GPBP1: variants seen among roughly 807,000 people sequenced by gnomAD.
GPBP1 encodes vasculin.
A neutral mutation model predicts 56.5 loss-of-function variants in GPBP1; 13 were observed. That is an observed-to-expected ratio of 0.23 (90% confidence interval 0.15 to 0.37). The LOEUF (loss-of-function observed/expected upper bound fraction) is 0.37, where lower values mean the gene tolerates loss of function less well. GPBP1 is among the 10% of genes least tolerant of loss of function. GPBP1 has a pLI of 1.00. For synonymous variants in GPBP1, 204 were observed against 188.9 expected, an observed-to-expected ratio of 1.08 and a Z score of -0.66; for missense variants, 477 against 572.3, an observed-to-expected ratio of 0.83 and a Z score of 1.70.
chr5:57,247,036 GT>G lies in GPBP1; in HGVS notation c.664-34del, dbSNP rs748749317. Reference sequence around the variant, plus strand: ...TGTTTTTGTCTTTCTCCTGTAACCTGTTTTTGATAGCCATTAATGTTTGTGT... The same window carrying G: ...TGTTTTTGTCTTTCTCCTGTAACCTGTTTTGATAGCCATTAATGTTTGTGT... On this transcript the variant is annotated intron_variant, in intron 7 of 11. Coordinates refer to ENST00000506184, the MANE Select transcript of GPBP1 (RefSeq NM_022913.4). 6.3e-6 allele frequency: 10 copies of G among 1,578,512 alleles called. No homozygotes were observed. The South Asian group carries it at 8.1e-5, about 13-fold the overall frequency.
intron 2 of GPBP1, among the ~76,000 whole-genome samples, chr5:57,188,388 TTCCAGGC>T (rs1754381366): frequency 6.6e-6 from 1 of 152,204 alleles, no homozygotes; most frequent in Admixed American, 6.5e-5. Flanking sequence ...TCTCTCCATA[TTCCAGGC>T]TTATAGCTTA....
rs990917676 is a variant in GPBP1 at position 57,192,673 on chromosome 5, A to C, written c.-58+16273A>C. ...GAGGCTGAGGCAGGAGAATCGCTTG[A>C]ACCTGGGAGGCGGAGGTTGCGGTGA... On this transcript the variant is annotated intron_variant, in intron 2 of 11. Coordinates refer to ENST00000506184, the MANE Select transcript of GPBP1 (RefSeq NM_022913.4). Among the ~76,000 whole-genome samples, 6 of 149,930 alleles carry C rather than the reference A, an allele frequency of 4.0e-5. No homozygotes were observed. The East Asian group carries it at 1.2e-3, about 29-fold the overall frequency.
intron 3 of GPBP1, among the ~76,000 whole-genome samples, chr5:57,218,708 G>A (rs1347070761): frequency 1.3e-5 from 2 of 151,978 alleles, no homozygotes; most frequent in African/African-American, 2.4e-5. Context: ...CAAGTGATCC[G>A]CCTGCCTCTA....
At chr5:57,206,056 G>T (rs1161810206) in intron 2 of GPBP1, among the ~76,000 whole-genome samples, 3 of 152,122 alleles carry the variant, frequency 2.0e-5, no homozygotes, top group African/African-American at 7.2e-5. Flanking sequence ...ACAAGCCATT[G>T]CATTTGGCCC....
At chr5:57,244,866 T>TG (rs1269114413) in intron 6 of GPBP1, among the ~76,000 whole-genome samples, 3 of 151,634 alleles carry the variant, frequency 2.0e-5, no homozygotes, top group African/African-American at 7.3e-5. Flanking sequence ...CCCGAGTAGC[T>TG]GGGATTATAG....
chr5:57,194,637 A>G (rs577237520), intron 2 of GPBP1, among the ~76,000 whole-genome samples: 10 of 152,122 alleles, frequency 6.6e-5, no homozygotes, highest in South Asian at 2.1e-4. Flanking sequence ...TTTTGTACCA[A>G]CTAACCTCCC....
chr5:57,177,564 C>T (rs1158143949), intron 2 of GPBP1, among the ~76,000 whole-genome samples: 3 of 151,548 alleles, frequency 2.0e-5, no homozygotes, highest in Non-Finnish European at 4.4e-5. Flanking sequence ...GCCTCCGCCT[C>T]CCGGGTTCAA....
At position 57,249,581 on chromosome 5, in the gene GPBP1, T is replaced by C. The variant is rs768355252; in HGVS notation, c.972+5T>C. 3.8e-6 allele frequency: 6 copies of C among 1,597,752 alleles called. No homozygotes were observed. The Admixed American group carries it at 8.9e-5, about 24-fold the overall frequency. ...AGCCGTGCTGGCTCAGAGAAGGTAA[T>C]TGAATTTATAGCAATACTTGATTTG... On this transcript the variant is annotated splice_donor_5th_base_variant and intron_variant, in intron 9 of 11. Coordinates refer to ENST00000506184, the MANE Select transcript of GPBP1 (RefSeq NM_022913.4).
intron 5 of GPBP1, among the ~76,000 whole-genome samples, chr5:57,235,714 T>C (rs1195338376): frequency 6.6e-6 from 1 of 152,220 alleles, no homozygotes; most frequent in Non-Finnish European, 1.5e-5. Context: ...TGGATTTTTT[T>C]CAGATTTTAC....
chr5:57,212,777 C>G (rs576525831), intron 2 of GPBP1, among the ~76,000 whole-genome samples: 2 of 147,452 alleles, frequency 1.4e-5, no homozygotes, highest in African/African-American at 5.0e-5. Flanking sequence ...TCAAGCAATT[C>G]TCTTGCCTCA....
intron 2 of GPBP1, among the ~76,000 whole-genome samples, chr5:57,190,657 C>G (rs1409146885): frequency 3.5e-4 from 48 of 135,626 alleles, no homozygotes; most frequent in African/African-American, 1.3e-3. Context: ...AGCTTTTTGT[C>G]TGCTAGATTC....
At chr5:57,261,442 T>C (rs1436941147) in intron 11 of GPBP1, among the ~76,000 whole-genome samples, 160 bp downstream of exon 11, 1 of 151,052 alleles carries the variant, frequency 6.6e-6, no homozygotes, top group Non-Finnish European at 1.5e-5. Flanking sequence ...TTTGCTATGG[T>C]GTCCAGCTGG....
chr5:57,218,636 G>A (rs1450322046), intron 3 of GPBP1, among the ~76,000 whole-genome samples: 1 of 152,140 alleles, frequency 6.6e-6, no homozygotes, highest in Non-Finnish European at 1.5e-5. Context: ...GGGGGCCCCA[G>A]TCTAAGTGAC....
At chr5:57,216,797 ATTC>A (rs550797729) in intron 3 of GPBP1, among the ~76,000 whole-genome samples, 54 of 152,242 alleles carry the variant, frequency 3.5e-4, no homozygotes, top group African/African-American at 1.2e-3. Flanking sequence ...TTTCTGTACT[ATTC>A]TTCTGATAAC....
chr5:57,260,652 C>T, intron 10 of GPBP1, among the ~76,000 whole-genome samples: 1 of 152,128 alleles, frequency 6.6e-6, no homozygotes, highest in Admixed American at 6.6e-5. Flanking sequence ...TTTTTGAAGA[C>T]TCCTTGTAGG....
At chr5:57,261,670 T>C (rs1487118767) in intron 11 of GPBP1, among the ~76,000 whole-genome samples, 1 of 152,238 alleles carries the variant, frequency 6.6e-6, no homozygotes, top group Non-Finnish European at 1.5e-5. Context: ...TTTTTGTTTT[T>C]GTTTTTGGCT....
At chr5:57,198,867 T>G (rs886601017) in intron 2 of GPBP1, among the ~76,000 whole-genome samples, 1 of 152,184 alleles carries the variant, frequency 6.6e-6, no homozygotes, top group Non-Finnish European at 1.5e-5. Context: ...TGTCATTTGC[T>G]TCACATTTTG....
At chr5:57,235,305 CAAA>C (rs201543556) in intron 5 of GPBP1, among the ~76,000 whole-genome samples, 2 of 142,952 alleles carry the variant, frequency 1.4e-5, no homozygotes, top group Non-Finnish European at 3.1e-5. Flanking sequence ...GACTGCATTT[CAAA>C]AAAAAAAAAT....
In GPBP1 at chr5:57,176,129, C is replaced by T. The variant is rs1753780595; in HGVS notation, c.-329C>T. On this transcript the variant is annotated 5_prime_UTR_variant, in exon 2 of 12. Coordinates refer to ENST00000506184, the MANE Select transcript of GPBP1 (RefSeq NM_022913.4). ...AATTGGATATTTCATCTGGAGTGGACAAGTACAACAGTGGCAAGTACATGG... is the reference window on the plus strand; with the variant it reads ...AATTGGATATTTCATCTGGAGTGGATAAGTACAACAGTGGCAAGTACATGG... The T allele has an allele frequency of 2.5e-6, 1 of 396,956 alleles. No individual in the cohort carries two copies. The highest frequency in any genetic ancestry group is 4.4e-5 in the Admixed American group (1 of 22,674). 24.6% of individuals were successfully genotyped at this position (396,956 alleles called of 1,614,324 possible).
Sources: gnomAD v4.1 joint callset for allele counts (sites outside exome capture counted in the v4.1 genomes callset) on GRCh38, gnomAD v4.1.1 for gene constraint, MANE v1.5 for transcripts, NCBI Gene and HGNC (gene_info 2026-07-23, HGNC 2026-07-21) for gene names.